TTC27: variants seen among roughly 807,000 people sequenced by gnomAD.
TTC27 encodes tetratricopeptide repeat protein 27.
TTC27 carries 79 observed loss-of-function variants against 115.9 expected under a neutral mutation model. The ratio of observed to expected loss-of-function variants is 0.68; its 90% CI spans 0.57 to 0.82. The LOEUF is 0.82. Ranked by LOEUF, TTC27 falls within the 40% of genes least tolerant of loss-of-function variation. The pLI is 0.00. For missense variants in TTC27, 1,054 were observed against 993.1 expected (o/e 1.06, Z -0.82); for synonymous variants, 401 against 356.0 (o/e 1.13, Z -1.42).
chr2:32,757,814 C>A (rs1172190905), intron 12 of TTC27, among the ~76,000 whole-genome samples: 1 of 152,146 alleles, frequency 6.6e-6, no homozygotes, highest in African/African-American at 2.4e-5. Flanking sequence ...CTGCCTCAGC[C>A]TCCCACCCAA....
chr2:32,725,797 T>A (rs1461168861), intron 10 of TTC27, among the ~76,000 whole-genome samples: 1 of 152,230 alleles, frequency 6.6e-6, no homozygotes, highest in Admixed American at 6.5e-5. Flanking sequence ...TAGCTGAGGT[T>A]CTTCATGACA....
chr2:32,675,810 A>G (rs1449765072), intron 8 of TTC27, among the ~76,000 whole-genome samples: 2 of 151,172 alleles, frequency 1.3e-5, no homozygotes, highest in Non-Finnish European at 2.9e-5. Flanking sequence ...TGTTTTTTTG[A>G]GACGGAGTTT....
intron 10 of TTC27, among the ~76,000 whole-genome samples, chr2:32,723,763 CTTCCTTCCTTCCTTCT>C (rs1668016120): frequency 7.9e-6 from 1 of 126,330 alleles, no homozygotes; most frequent in Non-Finnish European, 1.6e-5. Context: ...TCCTTCCTTC[CTTCCTTCCTTCCTTCT>C]CTCCCTCCCT....
chr2:32,635,443 T>G (rs2151860111), intron 3 of TTC27: 1 of 152,832 alleles, frequency 6.5e-6, no homozygotes, highest in African/African-American at 2.4e-5. Context: ...TCCCAGCACT[T>G]TGGAAGGCCA....
chr2:32,726,633 C>A (rs1668116515), intron 10 of TTC27, among the ~76,000 whole-genome samples: 1 of 152,224 alleles, frequency 6.6e-6, no homozygotes, highest in South Asian at 2.1e-4. Context: ...ATTTTCCTGT[C>A]TTCTTCTAAG....
At chr2:32,664,937 A>G (rs950007465) in intron 6 of TTC27, among the ~76,000 whole-genome samples, 2 of 151,780 alleles carry the variant, frequency 1.3e-5, no homozygotes, top group East Asian at 1.9e-4. Context: ...GGTTCAAGCA[A>G]TTCTCCTGCC....
chr2:32,663,680 G>GTATGTATT (rs1559194118), intron 5 of TTC27, among the ~76,000 whole-genome samples: 12 of 54,646 alleles, frequency 2.2e-4, no homozygotes, highest in African/African-American at 6.2e-4. Flanking sequence ...ATGTATGTAT[G>GTATGTATT]TATTTATTTA....
intron 10 of TTC27, among the ~76,000 whole-genome samples, chr2:32,726,198 C>G (rs1167389197): frequency 6.6e-6 from 1 of 152,208 alleles, no homozygotes; most frequent in Non-Finnish European, 1.5e-5. Context: ...ACATTCGGCT[C>G]CTGGTTACTT....
rs1201682080 is a variant in TTC27, at chr2:32,784,438, C to G, written c.1832+1760C>G. Among the ~76,000 whole-genome samples the G allele has an allele frequency of 2.6e-5, 4 of 152,180 alleles. No individual in the cohort carries two copies. In the East Asian group the frequency reaches 7.7e-4, roughly 29 times the overall value. On this transcript the variant is annotated intron_variant, in intron 15 of 19. Transcript: ENST00000317907. ...TTATTAATGCTTCTCTCAGAAGATC[C>G]TATTCATGCCTTAAAACGGCCCATT...
At chr2:32,646,176 C>T (rs1005178612) in intron 4 of TTC27, among the ~76,000 whole-genome samples, 2 of 151,902 alleles carry the variant, frequency 1.3e-5, no homozygotes, top group Admixed American at 6.6e-5. Context: ...CTACAGGCGC[C>T]CACCACCATG....
At chr2:32,784,379 G>C (rs943962082) in intron 15 of TTC27, among the ~76,000 whole-genome samples, 1 of 152,096 alleles carries the variant, frequency 6.6e-6, no homozygotes, top group Non-Finnish European at 1.5e-5. Flanking sequence ...TAAGGTTCTA[G>C]ACAAAGCTAA....
intron 7 of TTC27, among the ~76,000 whole-genome samples, chr2:32,667,406 C>G (rs1157466229): frequency 4.6e-5 from 7 of 151,276 alleles, no homozygotes; most frequent in African/African-American, 1.5e-4. Context: ...CCCAGAAACC[C>G]CCAACTACTT....
intron 10 of TTC27, among the ~76,000 whole-genome samples, chr2:32,730,625 T>A (rs74703281): frequency 0.18 from 26,274 of 149,940 alleles, 2,632 homozygotes; most frequent in South Asian, 0.36. Context: ...TTTCTTATTT[T>A]TTTTTTTTTT....
intron 9 of TTC27, among the ~76,000 whole-genome samples, chr2:32,698,573 G>A (rs1228695840): frequency 1.4e-5 from 2 of 147,964 alleles, no homozygotes; most frequent in South Asian, 2.3e-4. Flanking sequence ...TCCGCCTCCC[G>A]GGTTCACGCC....
intron 3 of TTC27, among the ~76,000 whole-genome samples, chr2:32,639,680 T>C (rs1316992051): frequency 6.6e-6 from 1 of 152,168 alleles, no homozygotes; most frequent in East Asian, 1.9e-4. Context: ...TCTTCAATGC[T>C]AGCATTTTTT....
At chr2:32,764,823 CA>C (rs1305194852) in intron 13 of TTC27, among the ~76,000 whole-genome samples, 1 of 152,230 alleles carries the variant, frequency 6.6e-6, no homozygotes, top group Admixed American at 6.5e-5. Context: ...AATTCCATCT[CA>C]AGAAACCACT....
chr2:32,744,054 A>C lies in TTC27; in HGVS notation c.1452+7238A>C, dbSNP rs114818218. On this transcript the variant is annotated intron_variant, in intron 12 of 19. Coordinates refer to ENST00000317907, the MANE Select transcript of TTC27 (RefSeq NM_017735.5). ...AATATTCCAAAGATGACTAATAGAC[A>C]AACTTACTACAAACACAGTTATAGT... Among the ~76,000 whole-genome samples, 435 of 152,356 alleles carry C rather than the reference A, an allele frequency of 2.9e-3. 1 individual carries two copies. The highest frequency in any genetic ancestry group is 1.0e-2 in the African/African-American group (415 of 41,588).
At chr2:32,666,963 A>G (rs1370756535) in intron 7 of TTC27, among the ~76,000 whole-genome samples, 195 bp downstream of exon 7, 1 of 81,782 alleles carries the variant, frequency 1.2e-5, no homozygotes, top group Admixed American at 1.1e-4. Flanking sequence ...GATAGAAAAA[A>G]CTGGTGTTTT....
chr2:32,774,737 G>T, intron 13 of TTC27, among the ~76,000 whole-genome samples: 1 of 152,274 alleles, frequency 6.6e-6, no homozygotes, highest in Non-Finnish European at 1.5e-5. Flanking sequence ...AAAAGTAAAA[G>T]AGGCACCAAA....
Sources: gnomAD v4.1 joint callset for allele counts (sites outside exome capture counted in the v4.1 genomes callset) on GRCh38, gnomAD v4.1.1 for gene constraint, MANE v1.5 for transcripts, NCBI Gene and HGNC (gene_info 2026-07-23, HGNC 2026-07-21) for gene names.